The following MCU variants were observed in gnomAD, a reference collection of about 807,000 sequenced individuals.
MCU encodes the protein calcium uniporter protein, mitochondrial.
A neutral mutation model predicts 45.2 loss-of-function variants in MCU; 12 were observed. That is an observed-to-expected ratio of 0.27 (90% CI 0.17 to 0.43). The LOEUF is 0.43. Among genes scored for constraint, MCU ranks in the 20% least tolerant of loss-of-function variants. MCU has a pLI of 1.00. For synonymous variants in MCU, 160 were observed against 165.1 expected (o/e 0.97, Z 0.24); for missense variants, 324 against 436.7 (o/e 0.74, Z 2.30).
intron 1 of MCU, among the ~76,000 whole-genome samples, chr10:72,781,493 G>A (rs1275323912): frequency 5.9e-5 from 9 of 152,212 alleles, no homozygotes; most frequent in Admixed American, 3.9e-4. Context: ...GAAATACACA[G>A]AGCATACAGT....
chr10:72,855,992 G>A (rs1206983579), intron 2 of MCU, among the ~76,000 whole-genome samples: 1 of 152,180 alleles, frequency 6.6e-6, no homozygotes, highest in African/African-American at 2.4e-5. Context: ...AAACAACCCA[G>A]ATGTTCGTCA....
chr10:72,813,448 C>G (rs956433477), intron 1 of MCU, among the ~76,000 whole-genome samples: 1 of 119,222 alleles, frequency 8.4e-6, no homozygotes, highest in Non-Finnish European at 1.8e-5. Context: ...TACCAGCTCT[C>G]TCTTTTTTTT....
intron 4 of MCU, among the ~76,000 whole-genome samples, chr10:72,865,943 A>T (rs1554828858): frequency 6.6e-6 from 1 of 151,178 alleles, no homozygotes; most frequent in Non-Finnish European, 1.5e-5. Flanking sequence ...TGCCTGGCTA[A>T]TTTTTTTGTA....
chr10:72,785,446 A>T lies in MCU; in HGVS notation c.151-48913A>T, dbSNP rs1844058006. On this transcript the variant is annotated intron_variant, in intron 1 of 7. Coordinates refer to ENST00000373053, the MANE Select transcript of MCU (RefSeq NM_138357.3). Reference sequence around the variant, plus strand: ...ATGTGCATAATAGAAATATATCCTAAAGTTCAAAAACATTCTGAGATTGTC... The same window carrying T: ...ATGTGCATAATAGAAATATATCCTATAGTTCAAAAACATTCTGAGATTGTC... 1.3e-5 allele frequency among the ~76,000 whole-genome samples: 2 copies of T among 152,208 alleles called. 1 individual carries two copies. The highest frequency in any genetic ancestry group is 4.8e-5 in the African/African-American group (2 of 41,450).
At chr10:72,742,341 C>T (rs1473977155) in intron 1 of MCU, among the ~76,000 whole-genome samples, 1 of 152,132 alleles carries the variant, frequency 6.6e-6, no homozygotes, top group Non-Finnish European at 1.5e-5. Flanking sequence ...AGTATATCCC[C>T]ATTGTGAAGG....
chr10:72,859,358 C>T lies in MCU; in HGVS notation c.391+11C>T. The T allele has an allele frequency of 1.3e-6, 2 of 1,598,762 alleles. No homozygotes were observed. Among genetic ancestry groups the T allele is most frequent in the South Asian group, 1.1e-5 (1 of 88,596 alleles). On this transcript the variant is annotated intron_variant, in intron 3 of 7. Transcript: ENST00000373053. ...CTATCTATTCACCAGGTATAGTCAC[C>T]ATCATTATTAATTACCATCTATCCC...
chr10:72,813,378 A>C (rs1254505787), intron 1 of MCU, among the ~76,000 whole-genome samples: 1 of 151,704 alleles, frequency 6.6e-6, no homozygotes, highest in Admixed American at 6.6e-5. Flanking sequence ...TAATTATAGA[A>C]GGTAATGAAA....
chr10:72,758,517 C>A (rs1419566221), intron 1 of MCU, among the ~76,000 whole-genome samples: 1 of 152,114 alleles, frequency 6.6e-6, no homozygotes, highest in Non-Finnish European at 1.5e-5. Context: ...AGAGAAACTG[C>A]CACCCAGAGA....
chr10:72,841,569 A>G (rs1684548841), intron 2 of MCU, among the ~76,000 whole-genome samples: 1 of 152,190 alleles, frequency 6.6e-6, no homozygotes, highest in Non-Finnish European at 1.5e-5. Context: ...AAGTTCTGGG[A>G]TTACAGGCGT....
chr10:72,847,514 C>G (rs12357952), intron 2 of MCU, among the ~76,000 whole-genome samples: 85,020 of 151,610 alleles, frequency 0.56, 25,166 homozygotes, highest in Non-Finnish European at 0.67. Flanking sequence ...GTATGTATAG[C>G]AAAAAAAATA....
intron 1 of MCU, among the ~76,000 whole-genome samples, chr10:72,719,290 G>A (rs1341424735): frequency 6.6e-6 from 1 of 152,116 alleles, no homozygotes; most frequent in Non-Finnish European, 1.5e-5. Flanking sequence ...TTATGTTACT[G>A]GAGCTGTTAC....
intron 1 of MCU, among the ~76,000 whole-genome samples, chr10:72,768,506 T>C (rs146952708): frequency 1.6e-3 from 250 of 152,314 alleles, no homozygotes; most frequent in African/African-American, 5.7e-3. Context: ...TTTGTAATAT[T>C]GTGTATCTAT....
At chr10:72,784,622 GCT>G (rs1197297405) in intron 1 of MCU, among the ~76,000 whole-genome samples, 10 of 152,176 alleles carry the variant, frequency 6.6e-5, no homozygotes, top group African/African-American at 2.4e-4. Flanking sequence ...GTATCCAGTA[GCT>G]TCTGAAAATG....
chr10:72,762,779 T>C (rs910066316), intron 1 of MCU, among the ~76,000 whole-genome samples: 2 of 152,122 alleles, frequency 1.3e-5, no homozygotes, highest in Admixed American at 1.3e-4. Context: ...CAGATAGTGA[T>C]AGTATAATGT....
Position 72,860,434 on chromosome 10 carries a change from G to A in MCU, c.403G>A (p.Val135Ile), listed in dbSNP as rs367568329. 28 of 1,613,650 alleles carry A rather than the reference G, an allele frequency of 1.7e-5. No individual in the cohort carries two copies. The highest frequency in any genetic ancestry group is 1.6e-4 in the Middle Eastern group (1 of 6,082). The change falls in exon 4 of 8, where the codon GTT (valine) becomes ATT (isoleucine). Residue 135 changes from valine to isoleucine, a missense_variant. Around this residue, in one of 4 missense-constraint regions of MCU, gnomAD observed 135 missense variants for 207.3 expected, o/e 0.65. Coordinates refer to ENST00000373053, the MANE Select transcript of MCU (RefSeq NM_138357.3). ...VAIYSPDGVR[V>I]AASTGIDLLL... ...TGAAATTTTCACAGATGGTGTTCGC[G>A]TTGCTGCTTCAACAGGAATAGACCT...
At chr10:72,849,563 C>T (rs1055586015) in intron 2 of MCU, among the ~76,000 whole-genome samples, 23 of 151,962 alleles carry the variant, frequency 1.5e-4, no homozygotes, top group African/African-American at 4.4e-4. Context: ...TTTGGGAGGA[C>T]GTGAGATTTC....
intron 1 of MCU, among the ~76,000 whole-genome samples, chr10:72,780,170 C>T (rs958240766): frequency 6.6e-6 from 1 of 152,042 alleles, no homozygotes. Context: ...GATAAGAAGC[C>T]AGTCACAAAA....
rs1844052829 is a variant in MCU at position 72,785,115 on chromosome 10, C to T, written c.151-49244C>T. On this transcript the variant is annotated intron_variant, in intron 1 of 7. Coordinates refer to ENST00000373053, the MANE Select transcript of MCU (RefSeq NM_138357.3). ...ACAGATGCAGTTTCATGATGTAGCA[C>T]GAGAATCTCCCACATTTCCACATAT... Among the ~76,000 whole-genome samples the T allele has an allele frequency of 2.0e-5, 3 of 152,170 alleles. No individual in the cohort carries two copies. The South Asian group carries it at 6.2e-4, about 31-fold the overall frequency.
At chr10:72,713,645 G>C (rs1038233609) in intron 1 of MCU, among the ~76,000 whole-genome samples, 34 of 152,142 alleles carry the variant, frequency 2.2e-4, no homozygotes, top group African/African-American at 8.2e-4. Flanking sequence ...GTATGTGAAA[G>C]GGCCTTTTGT....
Sources: gnomAD v4.1 joint callset for allele counts (sites outside exome capture counted in the v4.1 genomes callset) on GRCh38, gnomAD v4.1.1 for gene constraint, gnomAD v4.1.1 regional missense constraint, MANE v1.5 for transcripts, NCBI Gene and HGNC (gene_info 2026-07-23, HGNC 2026-07-21) for gene names.